The following RPS6KA1 variants were observed in gnomAD, a reference collection of about 807,000 sequenced individuals.
The protein encoded by RPS6KA1 is ribosomal protein S6 kinase alpha-1.
Under a neutral mutation model 91.3 loss-of-function variants are expected in RPS6KA1, and 48 were observed. That is an observed-to-expected ratio of 0.53 (90% CI 0.42 to 0.67). The LOEUF is 0.67. RPS6KA1 is among the 30% of genes least tolerant of loss of function. The pLI is 0.00. For missense variants in RPS6KA1, 719 were observed against 960.5 expected (o/e 0.75, Z 3.32); for synonymous variants, 359 against 384.7 (o/e 0.93, Z 0.78).
At chr1:26,569,895 G>A (rs1296934464) in intron 17 of RPS6KA1, among the ~76,000 whole-genome samples, 1 of 152,238 alleles carries the variant, frequency 6.6e-6, no homozygotes, top group African/African-American at 2.4e-5. Flanking sequence ...ACAGATGATG[G>A]CTGTGCCTCC....
Position 26,561,144 on chromosome 1 carries a change from G to A in RPS6KA1, c.1431+10G>A, listed in dbSNP as rs371166488. ...CATCACTCTGAAAGATGTGAGTGGGGGTCCTTAAGACTGGGGTGGGGACCA... is the reference window on the plus strand; with the variant it reads ...CATCACTCTGAAAGATGTGAGTGGGAGTCCTTAAGACTGGGGTGGGGACCA... On this transcript the variant is annotated intron_variant, in intron 16 of 21. Coordinates refer to ENST00000374168, the MANE Select transcript of RPS6KA1 (RefSeq NM_002953.4). The surrounding 1 kb of genome is among the most constrained non-coding windows in gnomAD (Gnocchi z 5.7). 53 of 1,610,980 alleles carry A rather than the reference G, an allele frequency of 3.3e-5. No homozygotes were observed. The highest frequency in any genetic ancestry group is 4.2e-5 in the Non-Finnish European group (49 of 1,177,410).
chr1:26,548,962 G>A (rs980326677), intron 4 of RPS6KA1, among the ~76,000 whole-genome samples: 18 of 151,778 alleles, frequency 1.2e-4, no homozygotes, highest in African/African-American at 3.6e-4. Flanking sequence ...TTGGAAGGCA[G>A]CTGCAGCTTC....
chr1:26,556,582 C>A, intron 11 of RPS6KA1, 72 bp from the exon 12 acceptor site: 1 of 1,529,836 alleles, frequency 6.5e-7, no homozygotes, highest in Non-Finnish European at 9.1e-7. Flanking sequence ...CCCTGTGAGG[C>A]TGCTTGGTGG....
At chr1:26,563,607 G>C (rs2076173525) in intron 17 of RPS6KA1, among the ~76,000 whole-genome samples, 2 of 152,186 alleles carry the variant, frequency 1.3e-5, no homozygotes, top group Non-Finnish European at 2.9e-5. Context: ...TTTGTTAAAT[G>C]TGTACACCCA....
chr1:26,574,848 C>T lies in RPS6KA1; in HGVS notation c.*647C>T. On this transcript the variant is annotated 3_prime_UTR_variant, in exon 22 of 22. Transcript: ENST00000374168. The surrounding 1 kb of genome is among the most constrained non-coding windows in gnomAD (Gnocchi z 4.3). The stretch of plus-strand genomic sequence containing the variant: ...CCCCTGCGGTCAGGCTGGGCAGCCC[C>T]AGAGAGAGGATGTGGAAAGCACTTT... 4.8e-6 allele frequency: 1 copy of T among 208,514 alleles called. No individual in the cohort carries two copies. The highest frequency in any genetic ancestry group is 6.5e-5 in the South Asian group (1 of 15,312). The allele number at this position is 208,514 out of a possible 1,614,324, so 12.9% of individuals were successfully genotyped here.
At chr1:26,553,342 T>A (rs2076070437) in intron 6 of RPS6KA1, 49 bp from the exon 7 acceptor site, 1 of 1,345,734 alleles carries the variant, frequency 7.4e-7, no homozygotes, top group Non-Finnish European at 1.1e-6. Context: ...GTGCCCCAGC[T>A]CTTAAGGAAG....
rs567981411 is a variant in RPS6KA1, at chr1:26,574,306, G to A, written c.*105G>A. 2.6e-5 allele frequency: 38 copies of A among 1,453,992 alleles called. No homozygotes were observed. Among genetic ancestry groups the A allele is most frequent in the African/African-American group, 5.6e-5 (4 of 71,850 alleles). The allele number at this position is 1,453,992 out of a possible 1,614,324, so 90.1% of individuals were successfully genotyped here. ...ACAGGGCCAGAGGGAGCTGGAACCC[G>A]AGGGGCCGGGGAAGCTGCCAGCCCA... On this transcript the variant is annotated 3_prime_UTR_variant, in exon 22 of 22. Transcript: ENST00000374168. This position sits in a 1 kb window ranked among gnomAD's most constrained non-coding sequence, Gnocchi z 4.3.
In RPS6KA1 at chr1:26,571,756, C is replaced by A; in HGVS notation, c.1753-93C>A. ...GGAAGATCTAGCCTGTGCCTGGGAC[C>A]CTTGTCCTGCCCTTGAGGGGAGTAG... On this transcript the variant is annotated intron_variant, in intron 18 of 21. Coordinates refer to ENST00000374168, the MANE Select transcript of RPS6KA1 (RefSeq NM_002953.4). This position sits in a 1 kb window ranked among gnomAD's most constrained non-coding sequence, Gnocchi z 5.1. The A allele has an allele frequency of 6.7e-7, 1 of 1,487,162 alleles. No homozygotes were observed. The highest frequency in any genetic ancestry group is 9.1e-7 in the Non-Finnish European group (1 of 1,095,038). The allele number at this position is 1,487,162 out of a possible 1,614,324, so 92.1% of individuals were successfully genotyped here. A position where few individuals can be genotyped will look rare whatever the true frequency, so the allele number is the denominator to read the frequency against.
intron 1 of RPS6KA1, among the ~76,000 whole-genome samples, chr1:26,533,113 C>T (rs570155697): frequency 6.6e-6 from 1 of 152,300 alleles, no homozygotes; most frequent in East Asian, 1.9e-4. Context: ...CATAGTCTTG[C>T]TCTGTCACCA....
rs757496388 is a variant in RPS6KA1, at chr1:26,555,238, C to T, written c.827+17C>T. The T allele has an allele frequency of 3.1e-6, 5 of 1,612,978 alleles. No individual in the cohort carries two copies. Among genetic ancestry groups the T allele is most frequent in the Non-Finnish European group, 4.2e-6 (5 of 1,179,012 alleles). On this transcript the variant is annotated intron_variant, in intron 10 of 21. Transcript: ENST00000374168. The surrounding 1 kb of genome is among the most constrained non-coding windows in gnomAD (Gnocchi z 4.3). ...GATTCTGAAGTAAGCCCCAGCCCTGCCCTGATAACAATGGACTCCTCCAAG... is the reference window on the plus strand; with the variant it reads ...GATTCTGAAGTAAGCCCCAGCCCTGTCCTGATAACAATGGACTCCTCCAAG...
chr1:26,530,957 C>T (rs756566998), intron 1 of RPS6KA1: 7 of 1,127,830 alleles, frequency 6.2e-6, no homozygotes, highest in East Asian at 6.6e-5. Context: ...GGAATGGAGA[C>T]CTCATTTGAG....
intron 19 of RPS6KA1, 122 bp downstream of exon 19, chr1:26,572,047 A>G (rs1258897794): frequency 5.4e-6 from 7 of 1,306,250 alleles, no homozygotes; most frequent in African/African-American, 4.4e-5. Flanking sequence ...AAATAGGGAC[A>G]TGCTCCTGCC....
In RPS6KA1 at chr1:26,535,003, G is replaced by T. The variant is rs543430506; in HGVS notation, c.64-1922G>T. Among the ~76,000 whole-genome samples the T allele has an allele frequency of 9.9e-5, 15 of 152,276 alleles. No homozygotes were observed. In the South Asian group the frequency reaches 3.1e-3, roughly 32 times the overall value. On this transcript the variant is annotated intron_variant, in intron 1 of 21. Coordinates refer to ENST00000374168, the MANE Select transcript of RPS6KA1 (RefSeq NM_002953.4). ...GCACTTGATTTTAGGAATGATGAGGGTTTGGAGTGGGGAAGGCTGTGGGGC... is the reference window on the plus strand; with the variant it reads ...GCACTTGATTTTAGGAATGATGAGGTTTTGGAGTGGGGAAGGCTGTGGGGC...
chr1:26,573,283 T>C lies in RPS6KA1; in HGVS notation c.2007T>C (p.Val669=), dbSNP rs2076266258. Residue 669 remains valine, a synonymous_variant, in exon 21 of 22, where the codon GTT becomes GTC. Coordinates refer to ENST00000374168, the MANE Select transcript of RPS6KA1 (RefSeq NM_002953.4). ...ACCAGCGCCTCACAGCTAAGCAGGT[T>C]CTGCAGCATCCATGGGTCACCCAGA... The part of the protein sequence containing the change: ...DPHQRLTAKQ[V]LQHPWVTQKD... 1 of 1,614,048 alleles carries C rather than the reference T, an allele frequency of 6.2e-7. No homozygotes were observed. The highest frequency in any genetic ancestry group is 8.5e-7 in the Non-Finnish European group (1 of 1,180,028).
intron 12 of RPS6KA1, 132 bp from the exon 13 acceptor site, chr1:26,556,863 GCCT>G: frequency 2.5e-6 from 3 of 1,201,776 alleles, no homozygotes; most frequent in South Asian, 2.5e-5. Context: ...ACAAGGGCTG[GCCT>G]CCTGAGGGCA....
At chr1:26,544,423 T>C (rs959619762) in intron 2 of RPS6KA1, among the ~76,000 whole-genome samples, 4 of 151,810 alleles carry the variant, frequency 2.6e-5, no homozygotes, top group Non-Finnish European at 5.9e-5. Context: ...CCTGTTGGGT[T>C]TGTGTCACCA....
chr1:26,573,490 G>T, intron 21 of RPS6KA1, 129 bp downstream of exon 21: 1 of 1,090,342 alleles, frequency 9.2e-7, no homozygotes, highest in Non-Finnish European at 1.3e-6. Context: ...AGGAGAAGAA[G>T]ACACAGCCCT....
Position 26,551,301 on chromosome 1 carries a change from G to A in RPS6KA1, c.308-96G>A. 1 of 1,095,698 alleles carries A rather than the reference G, an allele frequency of 9.1e-7. No individual in the cohort carries two copies. The highest frequency in any genetic ancestry group is 1.5e-5 in the African/African-American group (1 of 64,924). The allele number at this position is 1,095,698 out of a possible 1,614,324, so 67.9% of individuals were successfully genotyped here. A position where few individuals can be genotyped will look rare whatever the true frequency, so the allele number is the denominator to read the frequency against. On this transcript the variant is annotated intron_variant, in intron 4 of 21. Coordinates refer to ENST00000374168, the MANE Select transcript of RPS6KA1 (RefSeq NM_002953.4). The surrounding 1 kb of genome is among the most constrained non-coding windows in gnomAD (Gnocchi z 4.5). ...GAGGGGGCTTTGGGAGCTCAGGCCT[G>A]GAGGAACAAGTGGAAAAGAGATCCC... is the stretch of plus-strand genomic sequence containing the variant.
chr1:26,548,411 A>T (rs2076016421), intron 4 of RPS6KA1, among the ~76,000 whole-genome samples: 1 of 152,086 alleles, frequency 6.6e-6, no homozygotes, highest in South Asian at 2.1e-4. Context: ...GCCTTGGAGG[A>T]TGAGTGGATT....
Sources: allele counts gnomAD v4.1 joint callset (sites outside exome capture counted in the v4.1 genomes callset), GRCh38; gene constraint gnomAD v4.1.1; non-coding constraint Gnocchi (gnomAD v3.1); transcripts MANE v1.5; gene names NCBI Gene and HGNC (gene_info 2026-07-23, HGNC 2026-07-21).